Variants in PTCH1 observed in about 807,000 individuals in gnomAD.
The protein encoded by PTCH1 is patched 1.
PTCH1 carries 14 observed loss-of-function variants against 144.6 expected under a neutral mutation model. The observed-to-expected ratio is 0.10, with a 90% CI of 0.06 to 0.15. The LOEUF is 0.15. PTCH1 is among the 10% of genes least tolerant of loss of function. The pLI is 1.00. For missense variants in PTCH1, 1,623 were observed against 1,948.3 expected (o/e 0.83, Z 3.14); for synonymous variants, 833 against 793.6 (o/e 1.05, Z -0.83).
At chr9:95,471,082 C>CAAA (rs767837358) in intron 12 of PTCH1, among the ~76,000 whole-genome samples, 1 of 126,722 alleles carries the variant, frequency 7.9e-6, no homozygotes. Flanking sequence ...GAGTCTGTCT[C>CAAA]AAAAAAAAAA....
intron 15 of PTCH1, 58 bp from the exon 16 acceptor site, chr9:95,462,056 C>T: frequency 6.2e-7 from 1 of 1,607,966 alleles, no homozygotes; most frequent in Non-Finnish European, 8.5e-7. Flanking sequence ...GACCCTGGTC[C>T]TAGCGGGGTG....
At chr9:95,490,008 T>C (rs1000691597) in intron 2 of PTCH1, among the ~76,000 whole-genome samples, 1 of 149,684 alleles carries the variant, frequency 6.7e-6, no homozygotes, top group Admixed American at 6.6e-5. Context: ...TTCACTGTGT[T>C]AGCCAGGATG....
At chr9:95,457,208 G>A (rs1226162653) in intron 18 of PTCH1, among the ~76,000 whole-genome samples, 1 of 140,062 alleles carries the variant, frequency 7.1e-6, no homozygotes, top group African/African-American at 2.6e-5. Flanking sequence ...CCAGATGGAA[G>A]AGAAGGAGAA....
chr9:95,449,712 T>C lies in PTCH1; in HGVS notation c.3549+129A>G. 1 of 938,194 alleles carries C rather than the reference T, an allele frequency of 1.1e-6. No homozygotes were observed. The highest frequency in any genetic ancestry group is 1.7e-6 in the Non-Finnish European group (1 of 588,936). 58.1% of individuals were successfully genotyped at this position (938,194 alleles called of 1,614,324 possible). On this transcript the variant is annotated intron_variant, in intron 21 of 23. Coordinates refer to ENST00000331920, the MANE Select transcript of PTCH1 (RefSeq NM_000264.5). The surrounding 1 kb of genome is among the most constrained non-coding windows in gnomAD (Gnocchi z 5.3). ...AGTACACCGAAGAGGAAAACAGACATGACTCTGAGATGTTTACTGAAGAAC... is the reference window on the plus strand; with the variant it reads ...AGTACACCGAAGAGGAAAACAGACACGACTCTGAGATGTTTACTGAAGAAC...
chr9:95,508,524 G>T lies in PTCH1; in HGVS notation c.-163C>A. The T allele has an allele frequency of 9.9e-7, 1 of 1,014,178 alleles. No homozygotes were observed. The highest frequency in any genetic ancestry group is 1.2e-6 in the Non-Finnish European group (1 of 848,618). The allele number at this position is 1,014,178 out of a possible 1,614,324, so 62.8% of individuals were successfully genotyped here. On this transcript the variant is annotated 5_prime_UTR_variant, in exon 1 of 24. Transcript: ENST00000331920. The stretch of plus-strand genomic sequence containing the variant: ...TCGGGCTCCGGTTGACAGACCAGCC[G>T]CTGCTGCTGCTCACACGGCGGGCGC...
At chr9:95,515,964 C>T (rs910694152) in intron 1 of PTCH1, among the ~76,000 whole-genome samples, 10 of 152,124 alleles carry the variant, frequency 6.6e-5, no homozygotes, top group Admixed American at 6.5e-4. Flanking sequence ...GAGCTGGCGG[C>T]AGCGGCTTCC....
At chr9:95,516,915 G>A in exon 1 of PTCH1, 1 of 1,048,912 alleles carries the variant, frequency 9.5e-7, no homozygotes, top group Non-Finnish European at 1.4e-6. Context: ...ATAAACTCAA[G>A]GAAAGCAAAG....
In PTCH1 at chr9:95,502,926, C is replaced by G. The variant is rs183296875; in HGVS notation, c.394+3481G>C. ...TTTGCTGGCTGTATTAAAAAGATAA[C>G]ATTAACATGCCTTTGGCAGATAGGA... On this transcript the variant is annotated intron_variant, in intron 2 of 23. Coordinates refer to ENST00000331920, the MANE Select transcript of PTCH1 (RefSeq NM_000264.5). 2.1e-3 allele frequency among the ~76,000 whole-genome samples: 315 copies of G among 152,272 alleles called. 1 individual carries two copies. Among genetic ancestry groups the G allele is most frequent in the Non-Finnish European group, 3.8e-3 (258 of 68,026 alleles).
chr9:95,506,376 G>GGGGCGC (rs925471046), intron 2 of PTCH1, 31 bp downstream of exon 2: 2 of 1,605,178 alleles, frequency 1.2e-6, no homozygotes, highest in Non-Finnish European at 1.7e-6. Flanking sequence ...GACCGGGCCG[G>GGGGCGC]GGGCGCGGGC....
intron 19 of PTCH1, among the ~76,000 whole-genome samples, chr9:95,454,352 G>A (rs1051442548): frequency 2.4e-4 from 36 of 152,208 alleles, no homozygotes; most frequent in Admixed American, 6.5e-4. Context: ...CTGAAGTTCA[G>A]GCTGCTCTGG....
chr9:95,510,512 A>G (rs1290452646), upstream of PTCH1, among the ~76,000 whole-genome samples: 1 of 152,040 alleles, frequency 6.6e-6, no homozygotes, highest in Non-Finnish European at 1.5e-5. Flanking sequence ...TATTTAAAAA[A>G]ATTTTTGTTT....
chr9:95,477,525 A>T (rs1841146468), intron 10 of PTCH1, 22 bp downstream of exon 10: 1 of 1,614,006 alleles, frequency 6.2e-7, no homozygotes, highest in African/African-American at 1.3e-5. Context: ...AACGGACAGC[A>T]GATAAATGGC....
At chr9:95,507,905 T>TACACACAC (rs139956254) in intron 1 of PTCH1, 29 of 1,286,320 alleles carry the variant, frequency 2.3e-5, no homozygotes, top group African/African-American at 2.2e-4. Context: ...GGCGTGTGTA[T>TACACACAC]ACACACACAC....
At chr9:95,514,488 G>A (rs922504144) in intron 1 of PTCH1, 2 of 152,182 alleles carry the variant, frequency 1.3e-5, no homozygotes, top group Non-Finnish European at 2.9e-5. Context: ...ATAGGCATGA[G>A]AAATGAAAGG....
intron 2 of PTCH1, among the ~76,000 whole-genome samples, chr9:95,497,996 T>C (rs1026988330): frequency 2.7e-5 from 4 of 150,468 alleles, no homozygotes; most frequent in South Asian, 2.1e-4. Context: ...AATACTTGAC[T>C]GTGTAATACA....
At chr9:95,516,565 C>A in exon 1 of PTCH1, 2 of 1,558,594 alleles carry the variant, frequency 1.3e-6, no homozygotes, top group Non-Finnish European at 1.7e-6. Context: ...CCCTGGCCCC[C>A]CTTTCCTCGT....
At chr9:95,498,590 G>A (rs748033658) in intron 2 of PTCH1, among the ~76,000 whole-genome samples, 9 of 152,092 alleles carry the variant, frequency 5.9e-5, no homozygotes, top group Non-Finnish European at 1.3e-4. Context: ...CTCAATGGCA[G>A]TATTCTGCTG....
chr9:95,454,071 C>A (rs534124749), intron 19 of PTCH1, among the ~76,000 whole-genome samples: 1 of 152,332 alleles, frequency 6.6e-6, no homozygotes, highest in African/African-American at 2.4e-5. Flanking sequence ...AGAGGTGAGA[C>A]CTTCTGTCAC....
Position 95,449,825 on chromosome 9 carries a change from C to A in PTCH1, c.3549+16G>T. ...CAGCCGGCCTACACGTGGGACATCC[C>A]CGTGTCACTACTGACCTCAGGATAT... On this transcript the variant is annotated intron_variant, in intron 21 of 23. Coordinates refer to ENST00000331920, the MANE Select transcript of PTCH1 (RefSeq NM_000264.5). This position sits in a 1 kb window ranked among gnomAD's most constrained non-coding sequence, Gnocchi z 5.3. The A allele has an allele frequency of 6.3e-7, 1 of 1,599,392 alleles. No individual in the cohort carries two copies. The highest frequency in any genetic ancestry group is 1.1e-5 in the South Asian group (1 of 90,702).
Sources: allele counts gnomAD v4.1 joint callset (sites outside exome capture counted in the v4.1 genomes callset), GRCh38; gene constraint gnomAD v4.1.1; non-coding constraint Gnocchi (gnomAD v3.1); transcripts MANE v1.5; gene names NCBI Gene and HGNC (gene_info 2026-07-23, HGNC 2026-07-21).